ANKS1B: variants seen among roughly 807,000 people sequenced by gnomAD.
ANKS1B encodes the protein ankyrin repeat and sterile alpha motif domain-containing protein 1B.
In ANKS1B, 36 loss-of-function variants were observed where a neutral mutation model predicts 148.3. The observed-to-expected ratio is 0.24, with a 90% CI of 0.19 to 0.32. The LOEUF (loss-of-function observed/expected upper bound fraction) is 0.32. ANKS1B is among the 10% of genes least tolerant of loss of function. The pLI is 1.00. For missense variants in ANKS1B, 1,157 were observed against 1,542.6 expected (o/e 0.75, Z 4.19); for synonymous variants, 542 against 560.8 (o/e 0.97, Z 0.47).
intron 10 of ANKS1B, among the ~76,000 whole-genome samples, chr12:99,448,630 G>A (rs1193461004): frequency 6.6e-6 from 1 of 151,988 alleles, no homozygotes; most frequent in Non-Finnish European, 1.5e-5. Context: ...GTTCAATTTA[G>A]CTATTCCACA....
intron 17 of ANKS1B, among the ~76,000 whole-genome samples, chr12:98,977,490 C>T (rs1359975401): frequency 6.9e-6 from 1 of 144,814 alleles, no homozygotes; most frequent in Non-Finnish European, 1.5e-5. Context: ...AAAATGCAAG[C>T]TTCACTTTCT....
intron 8 of ANKS1B, among the ~76,000 whole-genome samples, chr12:99,734,238 C>T (rs534309975): frequency 4.9e-4 from 75 of 152,202 alleles, no homozygotes; most frequent in African/African-American, 1.7e-3. Context: ...TCTTCCTTCC[C>T]ATACCTTGTT....
At chr12:98,878,795 A>G (rs925379956) in intron 17 of ANKS1B, among the ~76,000 whole-genome samples, 4 of 152,330 alleles carry the variant, frequency 2.6e-5, no homozygotes, top group Middle Eastern at 3.4e-3. Context: ...AAAATCTACT[A>G]TTGGCCAGAG....
At chr12:99,286,650 C>T (rs777368845) in intron 12 of ANKS1B, among the ~76,000 whole-genome samples, 7 of 152,096 alleles carry the variant, frequency 4.6e-5, no homozygotes, top group Admixed American at 3.3e-4. Flanking sequence ...ATTTCTGGAT[C>T]CATCCTGGGC....
chr12:99,185,893 C>T (rs1182420162), intron 14 of ANKS1B, among the ~76,000 whole-genome samples: 1 of 152,168 alleles, frequency 6.6e-6, no homozygotes, highest in Non-Finnish European at 1.5e-5. Context: ...CGAGACAGAA[C>T]TGTTCACTCC....
In ANKS1B at chr12:98,744,035, A is replaced by AATT. The variant is rs1263588944; in HGVS notation, c.*1701_*1703dup. 2.1e-5 allele frequency: 21 copies of AATT among 983,558 alleles called. No homozygotes were observed. The highest frequency in any genetic ancestry group is 2.4e-5 in the Non-Finnish European group (20 of 828,322). The allele number at this position is 983,558 out of a possible 1,614,324, so 60.9% of individuals were successfully genotyped here. A position where few individuals can be genotyped will look rare whatever the true frequency, so the allele number is the denominator to read the frequency against. ...TTTATAGGATATAAATAATGACAAA[A>AATT]ATTACAAAATTTATAACTGGAAGCC... On this transcript the variant is annotated 3_prime_UTR_variant, in exon 27 of 27. Transcript: ENST00000683438.
chr12:99,315,718 C>T (rs533062724), intron 12 of ANKS1B, among the ~76,000 whole-genome samples: 7 of 151,988 alleles, frequency 4.6e-5, no homozygotes, highest in Non-Finnish European at 8.8e-5. Context: ...ATGTGCACAA[C>T]GTGCAGGTTT....
intron 1 of ANKS1B, among the ~76,000 whole-genome samples, chr12:99,855,257 T>A (rs1388103133): frequency 6.6e-6 from 1 of 152,100 alleles, no homozygotes; most frequent in South Asian, 2.1e-4. Flanking sequence ...GTAACTAATA[T>A]ATATTCTTAT....
At chr12:99,054,468 G>A (rs1288326286) in intron 16 of ANKS1B, among the ~76,000 whole-genome samples, 1 of 152,050 alleles carries the variant, frequency 6.6e-6, no homozygotes, top group African/African-American at 2.4e-5. Context: ...TCATTTTAAA[G>A]TTACTTTTTC....
At chr12:99,482,218 T>C (rs1029826808) in intron 10 of ANKS1B, among the ~76,000 whole-genome samples, 1 of 151,894 alleles carries the variant, frequency 6.6e-6, no homozygotes, top group Admixed American at 6.6e-5. Context: ...TGGTGAGAGA[T>C]AGGGAACCAG....
chr12:98,943,101 C>A (rs917358625), intron 17 of ANKS1B, among the ~76,000 whole-genome samples: 1 of 152,160 alleles, frequency 6.6e-6, no homozygotes, highest in Non-Finnish European at 1.5e-5. Context: ...GATTGTACAC[C>A]CTGTTCAACC....
chr12:99,908,560 G>A (rs542548812), intron 1 of ANKS1B, among the ~76,000 whole-genome samples: 4 of 152,030 alleles, frequency 2.6e-5, no homozygotes, highest in African/African-American at 9.7e-5. Flanking sequence ...CAGCCTGAGC[G>A]ACAGAAAGAA....
intron 17 of ANKS1B, among the ~76,000 whole-genome samples, chr12:99,016,285 A>T (rs2099942491): frequency 6.6e-6 from 1 of 152,230 alleles, no homozygotes; most frequent in Non-Finnish European, 1.5e-5. Context: ...AAATGAACAG[A>T]TGAGTTTTGT....
At chr12:99,180,048 C>T (rs866588005) in intron 14 of ANKS1B, among the ~76,000 whole-genome samples, 6 of 152,044 alleles carry the variant, frequency 3.9e-5, no homozygotes, top group Admixed American at 2.6e-4. Context: ...TTCTTGCTTC[C>T]CTGTTTTTGT....
intron 1 of ANKS1B, among the ~76,000 whole-genome samples, chr12:99,862,257 G>A (rs1453774969): frequency 2.0e-5 from 3 of 152,014 alleles, no homozygotes; most frequent in Non-Finnish European, 4.4e-5. Context: ...AGCATTTCAG[G>A]ATTATGTTTG....
intron 15 of ANKS1B, among the ~76,000 whole-genome samples, chr12:99,086,690 A>G (rs2051941739): frequency 6.6e-6 from 1 of 152,222 alleles, no homozygotes; most frequent in Non-Finnish European, 1.5e-5. Context: ...AGAAGTTTAC[A>G]TATTGCTCAT....
chr12:99,524,122 A>C (rs1294708559), intron 9 of ANKS1B, among the ~76,000 whole-genome samples: 10 of 152,172 alleles, frequency 6.6e-5, no homozygotes. Context: ...TGGTCTGACT[A>C]CTCTGACATC....
chr12:99,728,218 C>T (rs534588933), intron 8 of ANKS1B, among the ~76,000 whole-genome samples: 1 of 152,172 alleles, frequency 6.6e-6, no homozygotes, highest in East Asian at 1.9e-4. Context: ...AAAGTTTTTG[C>T]CATCTACCCA....
At chr12:99,078,023 G>A (rs1313107413) in intron 16 of ANKS1B, among the ~76,000 whole-genome samples, 1 of 152,062 alleles carries the variant, frequency 6.6e-6, no homozygotes, top group Non-Finnish European at 1.5e-5. Context: ...GTTTTTTTGG[G>A]GGGTGAGGAG....
Sources: gnomAD v4.1 joint callset for allele counts (sites outside exome capture counted in the v4.1 genomes callset) on GRCh38, gnomAD v4.1.1 for gene constraint, MANE v1.5 for transcripts, NCBI Gene and HGNC (gene_info 2026-07-23, HGNC 2026-07-21) for gene names.